FMN1: variants seen among roughly 807,000 people sequenced by gnomAD.
FMN1 encodes formin-1.
A neutral mutation model predicts 132.4 loss-of-function variants in FMN1; 110 were observed. The observed-to-expected ratio is 0.83, with a 90% confidence interval of 0.71 to 0.97. The LOEUF (loss-of-function observed/expected upper bound fraction) is 0.97, where lower values mean the gene tolerates loss of function less well. Among genes scored for constraint, FMN1 ranks in the 50% least tolerant of loss-of-function variants. The pLI, the probability that FMN1 is intolerant of heterozygous loss-of-function variation, is 0.00. For synonymous variants in FMN1, 722 were observed against 651.7 expected, an observed-to-expected ratio of 1.11 and a Z score of -1.64; for missense variants, 1,792 against 1,705.3, an observed-to-expected ratio of 1.05 and a Z score of -0.90.
Position 32,857,090 on chromosome 15 carries a change from C to T in FMN1, c.3853G>A (p.Val1285Met). ...RQLEASEKQM[V>M]VVCKESPKEY... ...TTTGGGGACTCCTTGCACACCACCACCATCTGTTTCTCACTTGCTGTGAAG... is the reference window on the plus strand; with the variant it reads ...TTTGGGGACTCCTTGCACACCACCATCATCTGTTTCTCACTTGCTGTGAAG... Residue 1285 changes from valine to methionine, a missense_variant, in exon 17 of 21, where the codon GTG becomes ATG. Val to Met is a conservative substitution (Grantham distance 21). Transcript: ENST00000616417. The T allele has an allele frequency of 6.2e-7, 1 of 1,613,484 alleles. No individual in the cohort carries two copies. The highest frequency in any genetic ancestry group is 8.5e-7 in the Non-Finnish European group (1 of 1,179,410).
At chr15:33,062,242 T>G (rs1211197324) in intron 6 of FMN1, among the ~76,000 whole-genome samples, 1 of 152,222 alleles carries the variant, frequency 6.6e-6, no homozygotes, top group African/African-American at 2.4e-5. Flanking sequence ...GATAAAATAC[T>G]TATAGACAAA....
chr15:32,774,315 T>TA lies in FMN1; in HGVS notation c.4254dup (p.Asn1419Ter). ...CATTTCCATGTGTCTTCATCTTAGT[T>TA]AGTGGTCACACTGGCTTCCTTCTGA... is the stretch of plus-strand genomic sequence containing the variant. On this transcript the variant is annotated frameshift_variant, in exon 21 of 21. Coordinates refer to ENST00000616417, the MANE Select transcript of FMN1 (RefSeq NM_001277313.2). LOFTEE classifies it high-confidence loss of function. The TA allele has an allele frequency of 6.2e-7, 1 of 1,604,326 alleles. No individual in the cohort carries two copies. Among genetic ancestry groups the TA allele is most frequent in the Non-Finnish European group, 8.5e-7 (1 of 1,174,698 alleles).
intron 8 of FMN1, 107 bp downstream of exon 8, chr15:32,968,607 G>A: frequency 6.7e-7 from 1 of 1,501,978 alleles, no homozygotes; most frequent in Non-Finnish European, 8.9e-7. Flanking sequence ...TATCACACTT[G>A]ATAATGGGTG....
intron 4 of FMN1, among the ~76,000 whole-genome samples, chr15:33,117,782 A>AG (rs2039984293): frequency 6.6e-6 from 1 of 152,194 alleles, no homozygotes; most frequent in Non-Finnish European, 1.5e-5. Context: ...ATTGCCTCAA[A>AG]GGAAGAACCA....
intron 10 of FMN1, among the ~76,000 whole-genome samples, chr15:32,923,298 T>G (rs2060879059): frequency 6.6e-6 from 1 of 152,154 alleles, no homozygotes; most frequent in Non-Finnish European, 1.5e-5. Context: ...TTCACCAGGG[T>G]GACAACACAA....
intron 10 of FMN1, among the ~76,000 whole-genome samples, chr15:32,920,777 A>G (rs553919512): frequency 4.7e-4 from 72 of 152,320 alleles, no homozygotes; most frequent in Non-Finnish European, 7.6e-4. Flanking sequence ...AGTCTTCTGT[A>G]TTACTCCTTG....
chr15:32,981,113 T>A (rs1434107461), intron 7 of FMN1, among the ~76,000 whole-genome samples: 1 of 152,206 alleles, frequency 6.6e-6, no homozygotes, highest in Non-Finnish European at 1.5e-5. Flanking sequence ...AAAGGAAATT[T>A]TTTTTCAAAA....
intron 6 of FMN1, among the ~76,000 whole-genome samples, chr15:33,050,228 G>C (rs539480675): frequency 6.6e-6 from 1 of 152,200 alleles, no homozygotes; most frequent in East Asian, 1.9e-4. Context: ...TAACCCTATT[G>C]TAAGTCAAGA....
At chr15:32,914,619 A>C (rs1462492390) in intron 10 of FMN1, among the ~76,000 whole-genome samples, 1 of 152,262 alleles carries the variant, frequency 6.6e-6, no homozygotes, top group Non-Finnish European at 1.5e-5. Context: ...ACACACAAAA[A>C]GTCAAAATTT....
chr15:33,111,838 G>A (rs185781603), intron 4 of FMN1, among the ~76,000 whole-genome samples: 33 of 152,180 alleles, frequency 2.2e-4, no homozygotes, highest in Non-Finnish European at 4.3e-4. Flanking sequence ...TTTTGGGGGA[G>A]GTGATGAAAA....
intron 5 of FMN1, among the ~76,000 whole-genome samples, chr15:33,085,236 T>C (rs1349714274): frequency 6.6e-6 from 1 of 152,182 alleles, no homozygotes; most frequent in Non-Finnish European, 1.5e-5. Flanking sequence ...CAATTTGTAG[T>C]CTTTTATAGG....
At chr15:33,019,577 G>C (rs990436500) in intron 6 of FMN1, among the ~76,000 whole-genome samples, 2 of 152,172 alleles carry the variant, frequency 1.3e-5, no homozygotes, top group Non-Finnish European at 2.9e-5. Context: ...AGCCCGGGGC[G>C]GTGCGAAACT....
At chr15:33,076,767 C>A (rs893750501) in intron 5 of FMN1, among the ~76,000 whole-genome samples, 3 of 152,032 alleles carry the variant, frequency 2.0e-5, no homozygotes, top group Non-Finnish European at 4.4e-5. Context: ...ATAAAAAAAA[C>A]TACGGTATTT....
intron 7 of FMN1, among the ~76,000 whole-genome samples, chr15:32,997,186 G>A (rs747032497): frequency 5.9e-5 from 9 of 152,138 alleles, no homozygotes; most frequent in Non-Finnish European, 1.2e-4. Context: ...AATAAAGCTG[G>A]AAAGAGAAAT....
intron 5 of FMN1, among the ~76,000 whole-genome samples, chr15:33,074,411 C>T (rs2038118186): frequency 6.6e-6 from 1 of 152,206 alleles, no homozygotes; most frequent in South Asian, 2.1e-4. Flanking sequence ...CTGGGTCATC[C>T]CATCAAAAGC....
intron 10 of FMN1, among the ~76,000 whole-genome samples, chr15:32,916,657 T>TAA (rs952556067): frequency 1.3e-5 from 2 of 152,128 alleles, no homozygotes; most frequent in African/African-American, 4.8e-5. Flanking sequence ...GTGACTGATG[T>TAA]AAGCCTCTTG....
intron 13 of FMN1, 61 bp from the exon 14 acceptor site, chr15:32,900,186 G>T: frequency 2.5e-6 from 4 of 1,568,710 alleles, no homozygotes; most frequent in Non-Finnish European, 1.7e-6. Flanking sequence ...TGTTCATTCA[G>T]TAACAAATAT....
chr15:32,891,219 C>T (rs889940289), intron 15 of FMN1, among the ~76,000 whole-genome samples: 2 of 152,154 alleles, frequency 1.3e-5, no homozygotes, highest in South Asian at 2.1e-4. Flanking sequence ...GCTCCCGCCA[C>T]GTGGGTTCTT....
chr15:32,950,305 C>A (rs2061623424), intron 9 of FMN1, among the ~76,000 whole-genome samples: 1 of 151,522 alleles, frequency 6.6e-6, no homozygotes, highest in African/African-American at 2.4e-5. Flanking sequence ...ACAGACAGAA[C>A]TGCCATTAGA....
Sources: gnomAD v4.1 joint callset for allele counts (sites outside exome capture counted in the v4.1 genomes callset) on GRCh38, gnomAD v4.1.1 for gene constraint, MANE v1.5 for transcripts, NCBI Gene and HGNC (gene_info 2026-07-23, HGNC 2026-07-21) for gene names.